ADGRA3: variants seen among roughly 807,000 people sequenced by gnomAD.
The protein encoded by ADGRA3 is adhesion G protein-coupled receptor A3.
A neutral mutation model predicts 119.8 loss-of-function variants in ADGRA3; 56 were observed. The observed-to-expected ratio is 0.47, with a 90% CI of 0.38 to 0.58. The LOEUF (loss-of-function observed/expected upper bound fraction) is 0.58, where lower values mean the gene tolerates loss of function less well. Ranked by LOEUF, ADGRA3 falls within the 20% of genes least tolerant of loss-of-function variation. The probability of loss-of-function intolerance (pLI) is 0.00; values close to 1 mark genes in which losing one functional copy is unlikely to be tolerated. For missense variants in ADGRA3, 1,516 were observed against 1,649.0 expected, an observed-to-expected ratio of 0.92 and a Z score of 1.40; for synonymous variants, 607 against 623.8, an observed-to-expected ratio of 0.97 and a Z score of 0.40.
chr4:22,471,414 C>A (rs1264572721), intron 2 of ADGRA3, among the ~76,000 whole-genome samples: 2 of 151,998 alleles, frequency 1.3e-5, no homozygotes, highest in Non-Finnish European at 2.9e-5. Flanking sequence ...ACCCTCATGA[C>A]ACGTAACAAA....
At chr4:22,415,134 G>C (rs1715379056) in intron 12 of ADGRA3, among the ~76,000 whole-genome samples, 1 of 152,086 alleles carries the variant, frequency 6.6e-6, no homozygotes, top group Non-Finnish European at 1.5e-5. Context: ...TGAGGATTTG[G>C]GGTGCAGTCA....
intron 16 of ADGRA3, 103 bp downstream of exon 16, chr4:22,401,328 T>C (rs1714629938): frequency 9.6e-7 from 1 of 1,037,068 alleles, no homozygotes; most frequent in Admixed American, 2.6e-5. Flanking sequence ...CTTTAATCAG[T>C]TAAAGAAAAG....
chr4:22,482,123 T>G (rs1196006719), intron 1 of ADGRA3, among the ~76,000 whole-genome samples: 1 of 152,230 alleles, frequency 6.6e-6, no homozygotes, highest in African/African-American at 2.4e-5. Context: ...AGCTCTTGTG[T>G]GTCAAGAAAT....
chr4:22,476,668 TG>T lies in ADGRA3; in HGVS notation c.258-2826del, dbSNP rs1184519113. On this transcript the variant is annotated intron_variant, in intron 1 of 18. Coordinates refer to ENST00000334304, the MANE Select transcript of ADGRA3 (RefSeq NM_145290.4). ...TTATTCTTTTTGGGTTTTTCTGTTT[TG>T]GGTTTTTTTTTTTTTAGACGTAGTC... Among the ~76,000 whole-genome samples, 10 of 149,854 alleles carry T rather than the reference TG, an allele frequency of 6.7e-5. No individual in the cohort carries two copies. The East Asian group carries it at 1.7e-3, about 26-fold the overall frequency.
At chr4:22,469,324 A>C (rs1191840816) in intron 2 of ADGRA3, among the ~76,000 whole-genome samples, 3 of 152,244 alleles carry the variant, frequency 2.0e-5, no homozygotes, top group Middle Eastern at 3.4e-3. Flanking sequence ...CAATCACTAG[A>C]CTGTTAAGTT....
At chr4:22,463,017 G>A (rs1374619340) in intron 2 of ADGRA3, among the ~76,000 whole-genome samples, 1 of 152,124 alleles carries the variant, frequency 6.6e-6, no homozygotes, top group Non-Finnish European at 1.5e-5. Flanking sequence ...CGCTTTATGG[G>A]ACACCCTCAG....
At chr4:22,389,422 T>C (rs1714014111) in intron 17 of ADGRA3, among the ~76,000 whole-genome samples, 1 of 152,188 alleles carries the variant, frequency 6.6e-6, no homozygotes, top group Non-Finnish European at 1.5e-5. Flanking sequence ...AGAGGAAAGC[T>C]GATCGGCTTC....
intron 1 of ADGRA3, among the ~76,000 whole-genome samples, chr4:22,508,081 A>G (rs1056037942): frequency 1.8e-4 from 27 of 152,156 alleles, no homozygotes; most frequent in Admixed American, 1.6e-3. Flanking sequence ...GTACCCACCC[A>G]TACTCGAGGC....
At chr4:22,495,987 A>C (rs1231579500) in intron 1 of ADGRA3, among the ~76,000 whole-genome samples, 1 of 152,238 alleles carries the variant, frequency 6.6e-6, no homozygotes, top group East Asian at 1.9e-4. Flanking sequence ...CAACACTAAT[A>C]ATATAATTGA....
intron 14 of ADGRA3, 22 bp downstream of exon 14, chr4:22,413,160 A>G: frequency 6.4e-7 from 1 of 1,555,074 alleles, no homozygotes. Context: ...GTGTTTATGC[A>G]TAAAGTTAAC....
intron 10 of ADGRA3, among the ~76,000 whole-genome samples, chr4:22,432,971 T>C (rs1340952883): frequency 1.3e-5 from 2 of 152,232 alleles, no homozygotes; most frequent in Non-Finnish European, 2.9e-5. Flanking sequence ...CTTGGCATAA[T>C]TTTATGCTGT....
chr4:22,459,288 G>C (rs1577361366), intron 3 of ADGRA3, among the ~76,000 whole-genome samples: 1 of 152,174 alleles, frequency 6.6e-6, no homozygotes, highest in Admixed American at 6.6e-5. Context: ...TGGATACATA[G>C]AGGGAACAAC....
Position 22,387,393 on chromosome 4 carries a change from CTATT to C in ADGRA3, c.*308_*311del, listed in dbSNP as rs927297324. Reference sequence around the variant, plus strand: ...AACAGATCGACACAATAACAAACACCTATTTATTATATTAAATACAAGCCTGAAA... The same window carrying C: ...AACAGATCGACACAATAACAAACACCTATTATATTAAATACAAGCCTGAAA... On this transcript the variant is annotated 3_prime_UTR_variant, in exon 19 of 19. Coordinates refer to ENST00000334304, the MANE Select transcript of ADGRA3 (RefSeq NM_145290.4). 2 of 243,272 alleles carry C rather than the reference CTATT, an allele frequency of 8.2e-6. No individual in the cohort carries two copies. Among genetic ancestry groups the C allele is most frequent in the Non-Finnish European group, 7.9e-6 (1 of 127,300 alleles). 15.1% of individuals were successfully genotyped at this position (243,272 alleles called of 1,614,324 possible).
At chr4:22,455,751 G>C (rs1386530974) in intron 3 of ADGRA3, 3 of 1,118,406 alleles carry the variant, frequency 2.7e-6, no homozygotes, top group Non-Finnish European at 2.4e-6. Flanking sequence ...CACCTGCACT[G>C]GTTTAAAAGT....
chr4:22,436,637 G>A lies in ADGRA3; in HGVS notation c.1090C>T (p.Pro364Ser), dbSNP rs764372193. ...GCAGTAATGCCTGCCAATGTTCTGG[G>A]CCATCTAGAGATGAAGACAAAATAG... ...VVNNKGDFRW[P>S]RTLAGITAYL... The change falls in exon 9 of 19, where the codon CCC becomes TCC. Residue 364 changes from proline (P) to serine (S), a missense_variant. Physicochemically the swap from Pro to Ser is moderately conservative, Grantham distance 74. This residue lies in a region of ADGRA3 where 428 missense variants were observed against 541.9 expected (regional missense o/e 0.79). Coordinates refer to ENST00000334304, the MANE Select transcript of ADGRA3 (RefSeq NM_145290.4). The A allele has an allele frequency of 2.0e-5, 33 of 1,613,546 alleles. No homozygotes were observed. The highest frequency in any genetic ancestry group is 3.3e-4 in the Middle Eastern group (2 of 6,072).
At chr4:22,498,900 C>G (rs547753689) in intron 1 of ADGRA3, among the ~76,000 whole-genome samples, 4 of 141,426 alleles carry the variant, frequency 2.8e-5, no homozygotes, top group African/African-American at 1.1e-4. Context: ...GGCGACACAG[C>G]GAGACTCGTC....
intron 7 of ADGRA3, among the ~76,000 whole-genome samples, chr4:22,440,718 A>G (rs1472436451): frequency 2.0e-5 from 3 of 152,232 alleles, no homozygotes; most frequent in Non-Finnish European, 4.4e-5. Flanking sequence ...TCTTCTACAT[A>G]GAAAATGGTT....
intron 10 of ADGRA3, among the ~76,000 whole-genome samples, chr4:22,426,970 T>C (rs1234428138): frequency 6.6e-6 from 1 of 152,202 alleles, no homozygotes; most frequent in East Asian, 1.9e-4. Flanking sequence ...CTATGTCAGT[T>C]ACTGAATCTG....
In ADGRA3 at chr4:22,387,905, G is replaced by T; in HGVS notation, c.3766C>A (p.Pro1256Thr). 6.2e-7 allele frequency: 1 copy of T among 1,614,124 alleles called. No individual in the cohort carries two copies. The highest frequency in any genetic ancestry group is 8.5e-7 in the Non-Finnish European group (1 of 1,179,988). ...LPKSSRNFEK[P>T]VSTTSKKDAL... is the part of the protein sequence containing the mutation. Reference sequence around the variant, plus strand: ...TCTTTTTTACTAGTGGTTGAAACTGGCTTTTCAAAATTTCTGCTACTTTTG... The same window carrying T: ...TCTTTTTTACTAGTGGTTGAAACTGTCTTTTCAAAATTTCTGCTACTTTTG... Residue 1256 changes from proline (P) to threonine (T), a missense_variant, in exon 19 of 19, where the codon CCA (proline) becomes ACA (threonine). Physicochemically the swap from Pro to Thr is conservative, Grantham distance 38. Around this residue, in one of 2 missense-constraint regions of ADGRA3, gnomAD observed 1,088 missense variants for 1,107.1 expected, o/e 0.98. Coordinates refer to ENST00000334304, the MANE Select transcript of ADGRA3 (RefSeq NM_145290.4).
Sources: allele counts gnomAD v4.1 joint callset (sites outside exome capture counted in the v4.1 genomes callset), GRCh38; gene constraint gnomAD v4.1.1; regional missense constraint gnomAD v4.1.1; transcripts MANE v1.5; gene names NCBI Gene and HGNC (gene_info 2026-07-23, HGNC 2026-07-21).